The following ANKRD22 variants were observed in gnomAD, a reference collection of about 807,000 sequenced individuals.
The protein encoded by ANKRD22 is ankyrin repeat domain 22.
Under a neutral mutation model 25.7 loss-of-function variants are expected in ANKRD22, and 24 were observed. That is an observed-to-expected ratio of 0.93 (90% CI 0.68 to 1.31). ANKRD22 has a LOEUF of 1.31. Among genes scored for constraint, ANKRD22 ranks in the 50% most tolerant of loss-of-function variants. The probability of loss-of-function intolerance (pLI) is 0.00; values close to 1 mark genes in which losing one functional copy is unlikely to be tolerated. For missense variants in ANKRD22, 214 were observed against 227.1 expected (o/e 0.94, Z 0.37); for synonymous variants, 84 against 84.3 (o/e 1.00, Z 0.02).
rs762109387 is a variant in ANKRD22 at position 88,851,573 on chromosome 10, G to C, written c.21+14C>G. ...TAACATCTTTGGAACTCTGCTTTCA[G>C]AAAGGTGATGTACCTCAGAGTATAG... On this transcript the variant is annotated intron_variant, in intron 1 of 5. Coordinates refer to ENST00000371930, the MANE Select transcript of ANKRD22 (RefSeq NM_144590.3). 6.2e-7 allele frequency: 1 copy of C among 1,613,222 alleles called. No homozygotes were observed. The highest frequency in any genetic ancestry group is 1.7e-5 in the Admixed American group (1 of 59,960).
At chr10:88,826,169 T>G in intron 3 of ANKRD22, 54 bp from the exon 4 acceptor site, 1 of 1,438,142 alleles carries the variant, frequency 7.0e-7, no homozygotes, top group Admixed American at 1.7e-5. Flanking sequence ...TTTCTCCAAT[T>G]TATGCCTGAG....
At chr10:88,841,490 T>C (rs1844003581) in intron 1 of ANKRD22, among the ~76,000 whole-genome samples, 2 of 152,176 alleles carry the variant, frequency 1.3e-5, no homozygotes, top group Non-Finnish European at 2.9e-5. Flanking sequence ...AACTCAGAGT[T>C]GAGCAAAATT....
intron 1 of ANKRD22, among the ~76,000 whole-genome samples, chr10:88,834,936 G>GA (rs1315726952): frequency 2.2e-4 from 33 of 147,918 alleles, no homozygotes; most frequent in South Asian, 2.1e-4. Context: ...CTCAAAAAAA[G>GA]AAAAAAAAAG....
At chr10:88,828,524 A>G (rs774206878) in intron 3 of ANKRD22, 35 bp downstream of exon 3, 1 of 1,458,734 alleles carries the variant, frequency 6.9e-7, no homozygotes, top group South Asian at 1.2e-5. Flanking sequence ...ATCGATCTCC[A>G]CATTTGCCCT....
chr10:88,832,134 T>G, intron 1 of ANKRD22, 108 bp from the exon 2 acceptor site: 1 of 1,227,958 alleles, frequency 8.1e-7, no homozygotes, highest in Non-Finnish European at 1.1e-6. Flanking sequence ...GTTTTAAAAT[T>G]GTAATATATT....
At chr10:88,831,761 C>A in intron 2 of ANKRD22, 74 bp downstream of exon 2, 2 of 1,410,786 alleles carry the variant, frequency 1.4e-6, no homozygotes, top group East Asian at 2.4e-5. Flanking sequence ...AAATGACATG[C>A]ACCACTTCTA....
Position 88,826,051 on chromosome 10 carries a change from T to C in ANKRD22, c.386A>G (p.Asn129Ser). 1 of 1,612,156 alleles carries C rather than the reference T, an allele frequency of 6.2e-7. No homozygotes were observed. Among genetic ancestry groups the C allele is most frequent in the Non-Finnish European group, 8.5e-7 (1 of 1,178,814 alleles). ...RMLLDAGVEV[N>S]ATDCYGCTAL... ...GTATAAACTTACACAATCTGTAGCA[T>C]TAACTTCGACGCCAGCATCAAGTAG... The change falls in exon 4 of 6, where the codon AAT becomes AGT. Residue 129 changes from asparagine to serine, a missense_variant. Transcript: ENST00000371930.
intron 1 of ANKRD22, among the ~76,000 whole-genome samples, chr10:88,840,690 A>G (rs2133079009): frequency 6.6e-6 from 1 of 152,294 alleles, no homozygotes; most frequent in Non-Finnish European, 1.5e-5. Flanking sequence ...CTTGTGATTC[A>G]CGAAATGTCT....
intron 1 of ANKRD22, among the ~76,000 whole-genome samples, chr10:88,836,031 A>G (rs1341563547): frequency 6.6e-6 from 1 of 152,216 alleles, no homozygotes; most frequent in Non-Finnish European, 1.5e-5. Context: ...ATCCCCTAAT[A>G]GTCTCAGAAC....
intron 1 of ANKRD22, among the ~76,000 whole-genome samples, chr10:88,841,175 AG>A (rs896857176): frequency 1.3e-5 from 2 of 152,122 alleles, no homozygotes; most frequent in Admixed American, 1.3e-4. Context: ...CATGAGGACC[AG>A]GGGAAAGCAG....
At chr10:88,839,031 A>G (rs1004151596) in intron 1 of ANKRD22, among the ~76,000 whole-genome samples, 1 of 152,206 alleles carries the variant, frequency 6.6e-6, no homozygotes, top group Non-Finnish European at 1.5e-5. Flanking sequence ...GGGCCCACTG[A>G]CTAACTTTTC....
intron 1 of ANKRD22, among the ~76,000 whole-genome samples, chr10:88,835,057 G>A (rs1261435045): frequency 1.3e-5 from 2 of 152,080 alleles, no homozygotes; most frequent in Non-Finnish European, 2.9e-5. Context: ...CCCACCACTC[G>A]CCATCACATT....
At chr10:88,846,434 C>G (rs531032671) in intron 1 of ANKRD22, among the ~76,000 whole-genome samples, 1 of 152,234 alleles carries the variant, frequency 6.6e-6, no homozygotes, top group Non-Finnish European at 1.5e-5. Context: ...TGGGGAAAAG[C>G]ACATGGAATA....
intron 1 of ANKRD22, among the ~76,000 whole-genome samples, chr10:88,846,729 C>T (rs968578671): frequency 2.0e-5 from 3 of 152,158 alleles, no homozygotes; most frequent in Non-Finnish European, 2.9e-5. Context: ...ATTAGCACAT[C>T]CCAGCGCAAT....
chr10:88,842,766 G>C (rs1235435051), intron 1 of ANKRD22, among the ~76,000 whole-genome samples: 1 of 152,000 alleles, frequency 6.6e-6, no homozygotes, highest in Non-Finnish European at 1.5e-5. Context: ...AACTATAAAT[G>C]TTTCACATAC....
chr10:88,848,961 T>C (rs1223532502), intron 1 of ANKRD22, among the ~76,000 whole-genome samples: 1 of 152,098 alleles, frequency 6.6e-6, no homozygotes, highest in Non-Finnish European at 1.5e-5. Context: ...GAAAAACATA[T>C]CCATTGCCAA....
chr10:88,844,274 G>T (rs1844028631), intron 1 of ANKRD22, among the ~76,000 whole-genome samples: 1 of 152,212 alleles, frequency 6.6e-6, no homozygotes, highest in Non-Finnish European at 1.5e-5. Context: ...GGGAAATTTG[G>T]GAAGCAAATG....
At chr10:88,848,449 G>A (rs1023031137) in intron 1 of ANKRD22, among the ~76,000 whole-genome samples, 1 of 152,084 alleles carries the variant, frequency 6.6e-6, no homozygotes, top group Non-Finnish European at 1.5e-5. Context: ...TAGAAAACCA[G>A]TTGGGATGAA....
intron 3 of ANKRD22, 80 bp from the exon 4 acceptor site, chr10:88,826,195 G>A: frequency 1.6e-6 from 2 of 1,234,450 alleles, no homozygotes; most frequent in East Asian, 2.4e-5. Context: ...TTAATCAATA[G>A]GCTTCATTTT....
Sources: gnomAD v4.1 joint callset for allele counts (sites outside exome capture counted in the v4.1 genomes callset) on GRCh38, gnomAD v4.1.1 for gene constraint, MANE v1.5 for transcripts, NCBI Gene and HGNC (gene_info 2026-07-23, HGNC 2026-07-21) for gene names.